Variants in CNST observed in about 807,000 individuals in gnomAD.
CNST encodes the protein consortin.
CNST carries 39 observed loss-of-function variants against 72.4 expected under a neutral mutation model. The ratio of observed to expected loss-of-function variants is 0.54; its 90% CI spans 0.42 to 0.70. The LOEUF (loss-of-function observed/expected upper bound fraction) is 0.70, where lower values mean the gene tolerates loss of function less well. CNST is among the 30% of genes least tolerant of loss of function. The pLI, the probability that CNST is intolerant of heterozygous loss-of-function variation, is 0.00. For synonymous variants in CNST, 332 were observed against 320.1 expected, an observed-to-expected ratio of 1.04 and a Z score of -0.40; for missense variants, 871 against 868.5, an observed-to-expected ratio of 1.00 and a Z score of -0.04.
chr1:246,608,819 C>T (rs1422386198), intron 2 of CNST, among the ~76,000 whole-genome samples: 2 of 152,204 alleles, frequency 1.3e-5, no homozygotes, highest in Admixed American at 6.5e-5. Flanking sequence ...CCTGTCTTCC[C>T]GTCCCTGTAT....
At chr1:246,640,764 T>A (rs1665631644) in intron 6 of CNST, among the ~76,000 whole-genome samples, 3 of 152,312 alleles carry the variant, frequency 2.0e-5, no homozygotes, top group African/African-American at 7.2e-5. Flanking sequence ...GAACATGACA[T>A]GAGCATGGTG....
At chr1:246,586,129 G>GTGTGTGTGTA (rs1661179007) in intron 1 of CNST, among the ~76,000 whole-genome samples, 2 of 148,920 alleles carry the variant, frequency 1.3e-5, no homozygotes, top group Admixed American at 1.4e-4. Flanking sequence ...GTGTGTGTGT[G>GTGTGTGTGTA]TGTGTGTGTG....
chr1:246,660,783 A>C (rs545234499), intron 10 of CNST, among the ~76,000 whole-genome samples: 1 of 152,286 alleles, frequency 6.6e-6, no homozygotes, highest in African/African-American at 2.4e-5. Context: ...TTATCTTCTA[A>C]GGGAGAAACA....
intron 2 of CNST, among the ~76,000 whole-genome samples, chr1:246,604,697 C>T (rs144846326): frequency 2.6e-4 from 40 of 152,224 alleles, no homozygotes; most frequent in Non-Finnish European, 1.6e-4. Context: ...GAGTTGCACT[C>T]TTGCTGTATT....
intron 9 of CNST, among the ~76,000 whole-genome samples, chr1:246,658,500 A>G (rs1050376410): frequency 3.3e-5 from 5 of 152,152 alleles, no homozygotes; most frequent in African/African-American, 1.2e-4. Flanking sequence ...TGGTTTCTAT[A>G]GACCCACATT....
At position 246,655,623 on chromosome 1, in the gene CNST, A is replaced by G. The variant is rs556608311; in HGVS notation, c.1837-4576A>G. Reference sequence around the variant, plus strand: ...TGCTAGAGTCTTATTTGAAAGTTCTATTAATCTTGTTTTAATTGTAATATA... The same window carrying G: ...TGCTAGAGTCTTATTTGAAAGTTCTGTTAATCTTGTTTTAATTGTAATATA... On this transcript the variant is annotated intron_variant, in intron 9 of 10. Coordinates refer to ENST00000366513, the MANE Select transcript of CNST (RefSeq NM_152609.3). Among the ~76,000 whole-genome samples the G allele has an allele frequency of 2.3e-3, 351 of 152,340 alleles. 5 individuals carry two copies. The highest frequency in any genetic ancestry group is 3.9e-3 in the Non-Finnish European group (265 of 68,036).
rs909624573 is a variant in CNST at position 246,633,956 on chromosome 1, C to T, written c.649C>T (p.Arg217Ter). The T allele has an allele frequency of 5.0e-6, 8 of 1,612,640 alleles. No homozygotes were observed. The highest frequency in any genetic ancestry group is 4.0e-5 in the African/African-American group (3 of 74,880). The stretch of plus-strand genomic sequence containing the variant: ...AGCAATGAAATTCATTCAGCTAGAA[C>T]GATTGTATCATGAGCAATTGCTCGC... ...EKAMKFIQLE[R>*]LYHEQLLANL... Residue 217 changes from arginine (R) to a stop codon, truncating the protein, a stop_gained, in exon 5 of 11, where the codon CGA becomes TGA. Coordinates refer to ENST00000366513, the MANE Select transcript of CNST (RefSeq NM_152609.3). LOFTEE classifies it high-confidence loss of function.
At chr1:246,625,619 A>G (rs1236786492) in intron 3 of CNST, among the ~76,000 whole-genome samples, 2 of 151,374 alleles carry the variant, frequency 1.3e-5, no homozygotes, top group Non-Finnish European at 2.9e-5. Context: ...ACAAGGTTTC[A>G]CCATGTTGGC....
At chr1:246,572,496 A>G (rs564068017) in intron 1 of CNST, among the ~76,000 whole-genome samples, 12 of 145,202 alleles carry the variant, frequency 8.3e-5, no homozygotes, top group African/African-American at 2.8e-4. Context: ...AGATTTTTCA[A>G]TAAGGATTTT....
At chr1:246,638,500 C>T (rs1016568874) in intron 6 of CNST, among the ~76,000 whole-genome samples, 1 of 152,092 alleles carries the variant, frequency 6.6e-6, no homozygotes, top group East Asian at 1.9e-4. Context: ...CCGTTCTTTC[C>T]AGATGGACAA....
chr1:246,638,670 C>T (rs1665471885), intron 6 of CNST, among the ~76,000 whole-genome samples: 1 of 152,042 alleles, frequency 6.6e-6, no homozygotes, highest in South Asian at 2.1e-4. Context: ...GGGCGGGTGA[C>T]ACTATAGCAT....
chr1:246,615,601 G>A (rs956718228), intron 2 of CNST, among the ~76,000 whole-genome samples: 22 of 150,018 alleles, frequency 1.5e-4, no homozygotes, highest in African/African-American at 2.7e-4. Flanking sequence ...TCTCTGGGCC[G>A]GGCACGGTGG....
intron 1 of CNST, among the ~76,000 whole-genome samples, chr1:246,567,102 C>A (rs1289449401): frequency 2.0e-5 from 3 of 149,960 alleles, no homozygotes; most frequent in African/African-American, 7.3e-5. Context: ...TGTCTCCCTT[C>A]CATTCCTCTC....
intron 1 of CNST, among the ~76,000 whole-genome samples, chr1:246,585,641 CAAAAAAAAAAAAA>C (rs543693321): frequency 4.7e-5 from 2 of 42,846 alleles, no homozygotes; most frequent in Admixed American, 3.6e-4. Context: ...GACTCTGTCT[CAAAAAAAAAAAAA>C]AAAAAAAAAT....
At chr1:246,567,357 T>TTC (rs1459911437) in intron 1 of CNST, among the ~76,000 whole-genome samples, 2 of 151,870 alleles carry the variant, frequency 1.3e-5, no homozygotes, top group Non-Finnish European at 2.9e-5. Flanking sequence ...GGCAGTCTTT[T>TTC]TTTTTTTACC....
At chr1:246,570,060 C>A in intron 1 of CNST, 2 of 274,712 alleles carry the variant, frequency 7.3e-6, no homozygotes, top group Non-Finnish European at 1.1e-5. Flanking sequence ...AAGATCAAAT[C>A]TTTGAGCAAA....
intron 10 of CNST, among the ~76,000 whole-genome samples, chr1:246,661,987 G>A (rs548267084): frequency 6.6e-6 from 1 of 152,230 alleles, no homozygotes; most frequent in Admixed American, 6.5e-5. Context: ...AGGAACCCCG[G>A]ATTTGAAACT....
chr1:246,586,866 C>T (rs1661233823), intron 1 of CNST, among the ~76,000 whole-genome samples: 1 of 152,084 alleles, frequency 6.6e-6, no homozygotes. Context: ...TTGGTATTTA[C>T]AACATATACA....
chr1:246,590,257 A>G (rs1014778779), intron 1 of CNST, among the ~76,000 whole-genome samples: 6 of 152,188 alleles, frequency 3.9e-5, no homozygotes, highest in Non-Finnish European at 8.8e-5. Flanking sequence ...GGCTACATGC[A>G]TCAGCTGACA....
Sources: allele counts gnomAD v4.1 joint callset (sites outside exome capture counted in the v4.1 genomes callset), GRCh38; gene constraint gnomAD v4.1.1; transcripts MANE v1.5; gene names NCBI Gene and HGNC (gene_info 2026-07-23, HGNC 2026-07-21).